SNTG1: variants seen among roughly 807,000 people sequenced by gnomAD.
The protein encoded by SNTG1 is gamma-1-syntrophin.
In SNTG1, 39 loss-of-function variants were observed where a neutral mutation model predicts 74.7. That is an observed-to-expected ratio of 0.52 (90% CI 0.40 to 0.68). The LOEUF (loss-of-function observed/expected upper bound fraction) is 0.68. Among genes scored for constraint, SNTG1 ranks in the 30% least tolerant of loss-of-function variants. The pLI is 0.00. For synonymous variants in SNTG1, 254 were observed against 217.1 expected (o/e 1.17, Z -1.49); for missense variants, 685 against 609.5 (o/e 1.12, Z -1.30).
chr8:50,670,334 T>C (rs1167319892), intron 15 of SNTG1, among the ~76,000 whole-genome samples: 1 of 152,062 alleles, frequency 6.6e-6, no homozygotes, highest in Non-Finnish European at 1.5e-5. Context: ...GATAAGCAAC[T>C]TCAGCAAAGT....
intron 18 of SNTG1, among the ~76,000 whole-genome samples, chr8:50,754,748 T>C (rs749678509): frequency 3.3e-5 from 5 of 151,878 alleles, no homozygotes; most frequent in African/African-American, 7.2e-5. Flanking sequence ...TTTGAGATAA[T>C]ATTTTAGATT....
chr8:50,062,595 C>A (rs781364446), intron 1 of SNTG1, among the ~76,000 whole-genome samples: 1 of 152,098 alleles, frequency 6.6e-6, no homozygotes, highest in Non-Finnish European at 1.5e-5. Flanking sequence ...TGTTCACAAG[C>A]TAAATATTTT....
At chr8:50,377,827 G>A (rs902544840) in intron 2 of SNTG1, among the ~76,000 whole-genome samples, 14 of 152,178 alleles carry the variant, frequency 9.2e-5, no homozygotes, top group African/African-American at 2.7e-4. Context: ...AATTGATTTT[G>A]GAATGTTCCT....
intron 18 of SNTG1, among the ~76,000 whole-genome samples, chr8:50,783,178 T>C (rs2095664978): frequency 6.6e-6 from 1 of 152,174 alleles, no homozygotes. Flanking sequence ...AGTCTGCCCA[T>C]TCTCAGATCT....
chr8:50,246,269 A>G (rs188926232), intron 2 of SNTG1, among the ~76,000 whole-genome samples: 12 of 152,120 alleles, frequency 7.9e-5, no homozygotes, highest in Non-Finnish European at 1.6e-4. Flanking sequence ...TAGATAGCTT[A>G]AGGAGCAGAT....
intron 13 of SNTG1, among the ~76,000 whole-genome samples, chr8:50,619,548 G>A (rs2094907133): frequency 1.3e-5 from 2 of 151,938 alleles, no homozygotes; most frequent in Admixed American, 1.3e-4. Context: ...CGGCTAACAC[G>A]GTGAAACTCT....
At chr8:49,965,397 A>T (rs1811050285) in intron 1 of SNTG1, among the ~76,000 whole-genome samples, 1 of 152,220 alleles carries the variant, frequency 6.6e-6, no homozygotes, top group Non-Finnish European at 1.5e-5. Context: ...ATATTTGCTA[A>T]TGCAACAACT....
At chr8:49,938,607 C>CTTTTCT (rs60669251) in intron 1 of SNTG1, among the ~76,000 whole-genome samples, 1,746 of 27,110 alleles carry the variant, frequency 0.064, 15 homozygotes, top group Non-Finnish European at 0.12. Context: ...CTTTTCTTTT[C>CTTTTCT]TTTCTTTCTT....
chr8:50,135,714 T>C (rs1169448468), intron 1 of SNTG1, among the ~76,000 whole-genome samples: 1 of 152,252 alleles, frequency 6.6e-6, no homozygotes, highest in Non-Finnish European at 1.5e-5. Context: ...GCATCTCTTC[T>C]GTCCTTGTTA....
At chr8:50,012,809 A>T (rs1172566486) in intron 1 of SNTG1, among the ~76,000 whole-genome samples, 1 of 152,016 alleles carries the variant, frequency 6.6e-6, no homozygotes, top group Non-Finnish European at 1.5e-5. Context: ...GATGGACTAG[A>T]TTGAGTAATT....
intron 2 of SNTG1, among the ~76,000 whole-genome samples, chr8:50,319,551 G>C (rs920357782): frequency 1.3e-5 from 2 of 151,988 alleles, no homozygotes; most frequent in Admixed American, 1.3e-4. Flanking sequence ...AATTTGTATG[G>C]CCTTTATATC....
intron 1 of SNTG1, among the ~76,000 whole-genome samples, chr8:49,978,246 GGA>G (rs368903520): frequency 1.1e-4 from 16 of 150,098 alleles, no homozygotes; most frequent in Middle Eastern, 3.5e-3. Context: ...GGGGAGAGAG[GGA>G]GAGAGAGAGA....
intron 1 of SNTG1, among the ~76,000 whole-genome samples, chr8:50,077,829 T>C (rs1822031741): frequency 6.6e-6 from 1 of 152,162 alleles, no homozygotes; most frequent in South Asian, 2.1e-4. Flanking sequence ...AGCACATGTA[T>C]GCATGTGTGT....
chr8:50,723,350 T>C (rs1428973282), intron 17 of SNTG1, among the ~76,000 whole-genome samples: 1 of 152,200 alleles, frequency 6.6e-6, no homozygotes, highest in Non-Finnish European at 1.5e-5. Flanking sequence ...AAATTAAGAC[T>C]ATTACTAATG....
chr8:50,669,777 A>G (rs7839366), intron 15 of SNTG1, among the ~76,000 whole-genome samples: 1,542 of 152,298 alleles, frequency 0.01, 22 homozygotes, highest in African/African-American at 0.034. Context: ...ATGAACATTG[A>G]TGCAAAAATC....
intron 17 of SNTG1, among the ~76,000 whole-genome samples, chr8:50,726,366 T>C (rs1247905444): frequency 1.3e-5 from 2 of 152,324 alleles, no homozygotes; most frequent in Middle Eastern, 3.4e-3. Context: ...AGTTATGATT[T>C]TCCTGGAGAC....
chr8:49,979,764 G>A (rs1211281058), intron 1 of SNTG1, among the ~76,000 whole-genome samples: 3 of 152,220 alleles, frequency 2.0e-5, no homozygotes, highest in Non-Finnish European at 4.4e-5. Context: ...CTGGCTGAAT[G>A]TTCTGAGAGA....
intron 1 of SNTG1, among the ~76,000 whole-genome samples, chr8:49,975,681 C>T (rs928688161): frequency 1.2e-4 from 18 of 151,940 alleles, no homozygotes; most frequent in African/African-American, 3.4e-4. Context: ...AAGAAGGGGA[C>T]TCTTATTTTC....
intron 2 of SNTG1, among the ~76,000 whole-genome samples, chr8:50,208,627 T>A (rs755612028): frequency 6.6e-6 from 1 of 152,228 alleles, no homozygotes; most frequent in Non-Finnish European, 1.5e-5. Flanking sequence ...GTTATGTTGC[T>A]TGTTAGTTGA....
Sources: gnomAD v4.1 joint callset for allele counts (sites outside exome capture counted in the v4.1 genomes callset) on GRCh38, gnomAD v4.1.1 for gene constraint, MANE v1.5 for transcripts, NCBI Gene and HGNC (gene_info 2026-07-23, HGNC 2026-07-21) for gene names.